Variants in ZNF517 observed in about 807,000 individuals in gnomAD.
ZNF517 encodes the protein zinc finger protein 517.
In ZNF517, 12 loss-of-function variants were observed where a neutral mutation model predicts 12.1. The observed-to-expected ratio is 0.99, with a 90% CI of 0.63 to 1.61. The LOEUF (loss-of-function observed/expected upper bound fraction) is 1.61. Ranked by LOEUF, ZNF517 falls within the 40% of genes most tolerant of loss-of-function variation. The pLI is 0.00. For missense variants in ZNF517, 781 were observed against 693.2 expected (o/e 1.13, Z -1.42); for synonymous variants, 388 against 310.2 (o/e 1.25, Z -2.63).
At chr8:144,811,427 C>G (rs575912793), downstream of ZNF517, among the ~76,000 whole-genome samples, 158 of 123,242 alleles carry the variant, frequency 1.3e-3, no homozygotes, top group Middle Eastern at 5.7e-3. Flanking sequence ...AGACTGCAGC[C>G]TGGAAGCAAA....
chr8:144,803,258 C>T lies in ZNF517; in HGVS notation c.33+311C>T, dbSNP rs1180634131. 6 of 491,620 alleles carry T rather than the reference C, an allele frequency of 1.2e-5. No individual in the cohort carries two copies. In the Admixed American group the frequency reaches 2.1e-4, roughly 17 times the overall value. The allele number at this position is 491,620 out of a possible 1,614,324, so 30.5% of individuals were successfully genotyped here. On this transcript the variant is annotated intron_variant, in intron 2 of 4. Transcript: ENST00000359971. The stretch of plus-strand genomic sequence containing the variant: ...CTCCTTCCTGGTGTGAATGGTCAGC[C>T]CATCCTCCCTCTCCTGATGCTGACT...
intron 1 of ZNF517, among the ~76,000 whole-genome samples, chr8:144,801,440 C>T (rs1257399791): frequency 6.6e-6 from 1 of 152,116 alleles, no homozygotes; most frequent in Admixed American, 6.5e-5. Context: ...TTAAGGGATC[C>T]TCCCAGGATG....
At chr8:144,799,017 C>G (rs548578338) in intron 1 of ZNF517, 80 bp downstream of exon 1, 1 of 152,184 alleles carries the variant, frequency 6.6e-6, no homozygotes, top group Non-Finnish European at 1.5e-5. Context: ...CTGTAGCCCC[C>G]GCAGTGGGCG....
At chr8:144,802,385 A>G (rs1827009827) in intron 1 of ZNF517, among the ~76,000 whole-genome samples, 1 of 152,240 alleles carries the variant, frequency 6.6e-6, no homozygotes. Context: ...CAAACAAAAC[A>G]AAACAATAAT....
At position 144,808,190 on chromosome 8, in the gene ZNF517, C is replaced by T. The variant is rs769232065; in HGVS notation, c.1274C>T (p.Ala425Val). 1.0e-5 allele frequency: 16 copies of T among 1,604,756 alleles called. No homozygotes were observed. The highest frequency in any genetic ancestry group is 6.7e-5 in the African/African-American group (5 of 74,552). ...QKIHTKEKPF[A>V]CTECGKAFRR... ...ATCCACACCAAGGAGAAGCCCTTCG[C>T]GTGCACCGAGTGCGGCAAGGCGTTC... Residue 425 changes from alanine (A) to valine (V), a missense_variant, in exon 5 of 5, where the codon GCG (alanine) becomes GTG (valine). Physicochemically the swap from Ala to Val is moderately conservative, Grantham distance 64 (BLOSUM62 0). Transcript: ENST00000359971.
At chr8:144,800,691 A>T in intron 1 of ZNF517, 1 of 985,382 alleles carries the variant, frequency 1.0e-6, no homozygotes, top group Non-Finnish European at 1.2e-6. Flanking sequence ...ATGCGTTTGC[A>T]GTCTGTGCCC....
At chr8:144,803,861 A>G (rs1386027844) in intron 3 of ZNF517, 94 bp downstream of exon 3, 4 of 1,512,542 alleles carry the variant, frequency 2.6e-6, no homozygotes, top group Non-Finnish European at 3.6e-6. Context: ...GGTCTGACAC[A>G]TTTTTGAGGG....
At position 144,803,760 on chromosome 8, in the gene ZNF517, C is replaced by T. The variant is rs1185667676; in HGVS notation, c.153C>T (p.Ala51=). The T allele has an allele frequency of 6.2e-7, 1 of 1,613,880 alleles. No individual in the cohort carries two copies. The highest frequency in any genetic ancestry group is 2.2e-5 in the East Asian group (1 of 44,892). ...TGCTGGAGAACTATGGGAACCTGGC[C>T]TCACTAGGTGAGGGCTTCTGCCTTT... ...DVMLENYGNL[A]SLGFLVAKPA... The change falls in exon 3 of 5, where the codon GCC becomes GCT. Residue 51 remains alanine (A), a synonymous_variant. Transcript: ENST00000359971.
intron 1 of ZNF517, among the ~76,000 whole-genome samples, chr8:144,799,604 A>AG (rs1826846175): frequency 6.6e-6 from 1 of 152,196 alleles, no homozygotes; most frequent in South Asian, 2.1e-4. Context: ...TGTGAGAGTT[A>AG]GGGGGTTAGG....
At chr8:144,812,894 A>G (rs986618134), downstream of ZNF517, among the ~76,000 whole-genome samples, 1 of 152,242 alleles carries the variant, frequency 6.6e-6, no homozygotes, top group Admixed American at 6.5e-5. Context: ...CAAATTCAGT[A>G]AAGTTGCAGG....
At chr8:144,799,501 G>C (rs1826838942) in intron 1 of ZNF517, among the ~76,000 whole-genome samples, 1 of 152,244 alleles carries the variant, frequency 6.6e-6, no homozygotes, top group Admixed American at 6.5e-5. Flanking sequence ...AATTGTAATA[G>C]AGGTGAGGCG....
intron 4 of ZNF517, among the ~76,000 whole-genome samples, chr8:144,806,726 C>T (rs1289433002): frequency 5.9e-5 from 9 of 152,072 alleles, no homozygotes; most frequent in East Asian, 5.8e-4. Flanking sequence ...CTCAGGTGAT[C>T]GGCCCACCTC....
Position 144,807,285 on chromosome 8 carries a change from CTGGGGGCACCCTGTG to C in ZNF517, c.370_384del (p.Trp124_Val128del). The C allele has an allele frequency of 6.4e-7, 1 of 1,555,652 alleles. No homozygotes were observed. Among genetic ancestry groups the C allele is most frequent in the South Asian group, 1.2e-5 (1 of 82,008 alleles). On this transcript the variant is annotated inframe_deletion, in exon 5 of 5. Transcript: ENST00000359971. ...CGGGCACCGTGTGGGGGTGCCTCCC[CTGGGGGCACCCTGTG>C]GGGGGGCACCCTGCACCACCCCACC...
chr8:144,799,536 CA>C (rs1477325752), intron 1 of ZNF517, among the ~76,000 whole-genome samples: 1 of 152,218 alleles, frequency 6.6e-6, no homozygotes, highest in East Asian at 1.9e-4. Flanking sequence ...AATAACGCAG[CA>C]AAATAACTTC....
chr8:144,801,164 G>A (rs1224778061), intron 1 of ZNF517, among the ~76,000 whole-genome samples: 1 of 152,078 alleles, frequency 6.6e-6, no homozygotes, highest in African/African-American at 2.4e-5. Flanking sequence ...GATGCCTAAA[G>A]GGAAACATCT....
At chr8:144,810,226 C>T (rs1201690873), downstream of ZNF517, 1 of 685,364 alleles carries the variant, frequency 1.5e-6, no homozygotes, top group Non-Finnish European at 2.7e-6. Context: ...TCCTCTTGGC[C>T]CCACGGGGAG....
chr8:144,812,157 G>A (rs1163991416), downstream of ZNF517, among the ~76,000 whole-genome samples: 2 of 140,474 alleles, frequency 1.4e-5, no homozygotes, highest in African/African-American at 5.6e-5. Context: ...GGGTGGGAGA[G>A]ACACTGACAG....
At chr8:144,810,526 T>C (rs1220434881), downstream of ZNF517, 2 of 331,914 alleles carry the variant, frequency 6.0e-6, no homozygotes, top group Non-Finnish European at 1.1e-5. Flanking sequence ...GGGTTGTCCC[T>C]GAGCATCCCC....
At position 144,803,710 on chromosome 8, in the gene ZNF517, C is replaced by T; in HGVS notation, c.103C>T (p.Gln35Ter). ...AGAGTGGAGTTGCCTGGCCCCCGAC[C>T]AGCAGGCACTCTACAGGGACGTGAT... ...RIEWSCLAPDQQALYRDVMLE... is the reference protein window; with the variant it reads ...RIEWSCLAPD The change falls in exon 3 of 5, where the codon CAG (glutamine) becomes TAG (stop). Residue 35 changes from glutamine (Q) to a stop codon, truncating the protein, a stop_gained. Transcript: ENST00000359971. LOFTEE classifies it high-confidence loss of function. 1 of 1,614,190 alleles carries T rather than the reference C, an allele frequency of 6.2e-7. No individual in the cohort carries two copies. Among genetic ancestry groups the T allele is most frequent in the Non-Finnish European group, 8.5e-7 (1 of 1,180,010 alleles).
Sources: allele counts gnomAD v4.1 joint callset (sites outside exome capture counted in the v4.1 genomes callset), GRCh38; gene constraint gnomAD v4.1.1; transcripts MANE v1.5; gene names NCBI Gene and HGNC (gene_info 2026-07-23, HGNC 2026-07-21).